CAPZA1: variants seen among roughly 807,000 people sequenced by gnomAD.
The protein encoded by CAPZA1 is F-actin-capping protein subunit alpha-1.
A neutral mutation model predicts 40.8 loss-of-function variants in CAPZA1; 10 were observed. The observed-to-expected ratio is 0.25, with a 90% confidence interval of 0.15 to 0.42. The LOEUF (loss-of-function observed/expected upper bound fraction) is 0.42. CAPZA1 is among the 10% of genes least tolerant of loss of function. CAPZA1 has a pLI of 1.00. For synonymous variants in CAPZA1, 98 were observed against 115.0 expected (o/e 0.85, Z 0.95); for missense variants, 277 against 353.8 (o/e 0.78, Z 1.74).
chr1:112,656,391 G>A (rs1320366504), intron 5 of CAPZA1, among the ~76,000 whole-genome samples: 2 of 143,460 alleles, frequency 1.4e-5, no homozygotes, highest in African/African-American at 5.2e-5. Flanking sequence ...CACAAAGTAA[G>A]CTCTACATAA....
intron 1 of CAPZA1, among the ~76,000 whole-genome samples, chr1:112,644,799 C>G (rs1207265914): frequency 6.6e-6 from 1 of 152,134 alleles, no homozygotes; most frequent in East Asian, 1.9e-4. Context: ...TCATTACTAG[C>G]ATTATTACTA....
intron 7 of CAPZA1, among the ~76,000 whole-genome samples, chr1:112,661,930 G>T (rs1481368282): frequency 6.6e-6 from 1 of 152,206 alleles, no homozygotes; most frequent in Admixed American, 6.5e-5. Flanking sequence ...ATTTGGAAAA[G>T]TCGTTAAGAT....
At chr1:112,635,602 A>G (rs1670998413) in intron 1 of CAPZA1, among the ~76,000 whole-genome samples, 1 of 147,920 alleles carries the variant, frequency 6.8e-6, no homozygotes, top group African/African-American at 2.5e-5. Context: ...ACACCCAGCT[A>G]ATTTTTGCAT....
At chr1:112,663,770 G>A (rs747046379) in intron 7 of CAPZA1, among the ~76,000 whole-genome samples, 1 of 152,086 alleles carries the variant, frequency 6.6e-6, no homozygotes. Flanking sequence ...CTCCCAAAGT[G>A]CTGGGATTAA....
At chr1:112,654,148 A>T (rs1407963661) in intron 4 of CAPZA1, among the ~76,000 whole-genome samples, 4 of 152,168 alleles carry the variant, frequency 2.6e-5, no homozygotes, top group Non-Finnish European at 5.9e-5. Context: ...CTCTGGAAAA[A>T]TATGTGAAAA....
intron 1 of CAPZA1, among the ~76,000 whole-genome samples, chr1:112,625,631 A>G (rs1670790327): frequency 6.6e-6 from 1 of 152,156 alleles, no homozygotes; most frequent in Admixed American, 6.5e-5. Context: ...TAAGAAAGTA[A>G]AATAAATTCA....
chr1:112,632,317 A>G (rs1482660353), intron 1 of CAPZA1, among the ~76,000 whole-genome samples: 2 of 152,154 alleles, frequency 1.3e-5, no homozygotes, highest in East Asian at 1.9e-4. Flanking sequence ...AGAAAAGACT[A>G]TTACAATAGG....
At chr1:112,655,849 T>C (rs899196601) in intron 5 of CAPZA1, among the ~76,000 whole-genome samples, 16 of 152,134 alleles carry the variant, frequency 1.1e-4, no homozygotes, top group Non-Finnish European at 1.8e-4. Context: ...AGGCGTGAGC[T>C]GCTGCACCTG....
intron 1 of CAPZA1, among the ~76,000 whole-genome samples, chr1:112,631,852 A>T (rs1039497126): frequency 6.6e-6 from 1 of 152,100 alleles, no homozygotes; most frequent in Non-Finnish European, 1.5e-5. Context: ...CAAGTTGCTT[A>T]TGGGATGTTT....
At chr1:112,649,352 C>G (rs1468112875) in intron 2 of CAPZA1, 66 bp from the exon 3 acceptor site, 6 of 1,202,238 alleles carry the variant, frequency 5.0e-6, no homozygotes, top group Non-Finnish European at 7.4e-6. Flanking sequence ...AAAATTCAAT[C>G]TAGAAATCTG....
intron 1 of CAPZA1, among the ~76,000 whole-genome samples, chr1:112,640,511 G>C (rs1204031480): frequency 7.1e-6 from 1 of 140,680 alleles, no homozygotes; most frequent in African/African-American, 2.7e-5. Context: ...CCCCCGTCCG[G>C]GAGGTGAGGG....
chr1:112,656,861 T>G (rs1375969205), intron 5 of CAPZA1, among the ~76,000 whole-genome samples: 1 of 152,072 alleles, frequency 6.6e-6, no homozygotes, highest in Non-Finnish European at 1.5e-5. Context: ...CTGACAGGCA[T>G]CTAATCCCCC....
chr1:112,631,162 CTT>C (rs1418400013), intron 1 of CAPZA1, among the ~76,000 whole-genome samples: 1 of 152,228 alleles, frequency 6.6e-6, no homozygotes, highest in Non-Finnish European at 1.5e-5. Context: ...TGGCTTACCT[CTT>C]TGACAATCCT....
chr1:112,628,492 G>A (rs952001106), intron 1 of CAPZA1, among the ~76,000 whole-genome samples: 1 of 152,140 alleles, frequency 6.6e-6, no homozygotes, highest in African/African-American at 2.4e-5. Context: ...AGGAACATGG[G>A]AAATCAAGTT....
intron 3 of CAPZA1, chr1:112,650,080 C>G (rs1671353520): frequency 6.6e-6 from 1 of 152,208 alleles, no homozygotes; most frequent in Admixed American, 6.6e-5. Flanking sequence ...CACTACTCTA[C>G]TTTTCAACAC....
rs1491412492 is a variant in CAPZA1 at position 112,653,573 on chromosome 1, TTA to T, written c.156-24_156-23del. 32,772 of 1,260,226 alleles carry T rather than the reference TTA, an allele frequency of 0.026. 298 individuals carry two copies. The highest frequency in any genetic ancestry group is 0.096 in the East Asian group (2,974 of 31,038). The allele number at this position is 1,260,226 out of a possible 1,614,324, so 78.1% of individuals were successfully genotyped here. ...TCTCTCCCTCTTTTTTTTTTTTTTT[TTA>T]AAAAACTTTTAAAAAAAAACAGTGC... On this transcript the variant is annotated intron_variant, in intron 3 of 9. Transcript: ENST00000263168.
In CAPZA1 at chr1:112,649,449, C is replaced by G. The variant is rs1390168797; in HGVS notation, c.135C>G (p.Leu45=). The part of the protein sequence containing the change: ...DVRLLLNNDN[L]LREGAAHAFA... ...GGCTACTACTTAATAATGACAATCT[C>G]CTCAGGGAAGGGGCAGCACAGTAAG... is the stretch of plus-strand genomic sequence containing the variant. Residue 45 remains leucine (L), a synonymous_variant, in exon 3 of 10, where the codon CTC becomes CTG. Coordinates refer to ENST00000263168, the MANE Select transcript of CAPZA1 (RefSeq NM_006135.3). 6.2e-7 allele frequency: 1 copy of G among 1,612,760 alleles called. No individual in the cohort carries two copies. Among genetic ancestry groups the G allele is most frequent in the Non-Finnish European group, 8.5e-7 (1 of 1,179,000 alleles).
At chr1:112,637,864 G>A (rs2101149750) in intron 1 of CAPZA1, among the ~76,000 whole-genome samples, 1 of 152,238 alleles carries the variant, frequency 6.6e-6, no homozygotes, top group South Asian at 2.1e-4. Context: ...AAATTTCAGA[G>A]TACAAAATAA....
At chr1:112,664,726 G>T (rs1483911381) in intron 7 of CAPZA1, among the ~76,000 whole-genome samples, 2 of 152,256 alleles carry the variant, frequency 1.3e-5, no homozygotes, top group East Asian at 3.9e-4. Flanking sequence ...CACAAGGTCA[G>T]GAGTTCGAGA....
Sources: allele counts gnomAD v4.1 joint callset (sites outside exome capture counted in the v4.1 genomes callset), GRCh38; gene constraint gnomAD v4.1.1; transcripts MANE v1.5; gene names NCBI Gene and HGNC (gene_info 2026-07-23, HGNC 2026-07-21).